The following SMYD2 variants were observed in gnomAD, a reference collection of about 807,000 sequenced individuals.
SMYD2 encodes N-lysine methyltransferase SMYD2.
In SMYD2, 53 loss-of-function variants were observed where a neutral mutation model predicts 59.1. The ratio of observed to expected loss-of-function variants is 0.90; its 90% CI spans 0.72 to 1.13. The LOEUF is 1.13. SMYD2 is among the 50% of genes most tolerant of loss of function. The pLI, the probability that SMYD2 is intolerant of heterozygous loss-of-function variation, is 0.00. For missense variants in SMYD2, 494 were observed against 544.7 expected (o/e 0.91, Z 0.93); for synonymous variants, 208 against 198.8 (o/e 1.05, Z -0.39).
At chr1:214,281,920 T>C (rs1234073988) in intron 1 of SMYD2, among the ~76,000 whole-genome samples, 1 of 152,216 alleles carries the variant, frequency 6.6e-6, no homozygotes, top group South Asian at 2.1e-4. Context: ...ACTTAGTATA[T>C]GTCTTGTAAA....
rs1328068380 is a variant in SMYD2 at position 214,314,791 on chromosome 1, A to G, written c.267A>G (p.Glu89=). The G allele has an allele frequency of 7.4e-6, 12 of 1,614,144 alleles. No homozygotes were observed. The highest frequency in any genetic ancestry group is 1.0e-5 in the Non-Finnish European group (12 of 1,180,008). ...AAGATTGGCCCATGCACAAGCTGGA[A>G]TGTTCTCCCATGGTTGTTTTTGGGG... is the stretch of plus-strand genomic sequence containing the variant. ...QKEDWPMHKL[E]CSPMVVFGEN... is the part of the protein sequence containing the mutation. Residue 89 remains glutamate, a synonymous_variant, in exon 3 of 12, where the codon GAA becomes GAG. Coordinates refer to ENST00000366957, the MANE Select transcript of SMYD2 (RefSeq NM_020197.3).
In SMYD2 at chr1:214,334,191, T is replaced by C; in HGVS notation, c.1113-9T>C. 6.2e-7 allele frequency: 1 copy of C among 1,612,542 alleles called. No individual in the cohort carries two copies. On this transcript the variant is annotated splice_polypyrimidine_tract_variant and intron_variant, in intron 10 of 11. Coordinates refer to ENST00000366957, the MANE Select transcript of SMYD2 (RefSeq NM_020197.3). ...ACATGGTGGCCTGTTGTCTCTTCTC[T>C]TGTTCTAGTAAGCACTATCCTTTGT...
chr1:214,331,631 C>T (rs1347305827), intron 9 of SMYD2: 1 of 188,126 alleles, frequency 5.3e-6, no homozygotes, highest in African/African-American at 2.4e-5. Flanking sequence ...GAATTTAAAA[C>T]CAGTGAGAGG....
chr1:214,317,325 T>C (rs1025347515), intron 3 of SMYD2, among the ~76,000 whole-genome samples: 27 of 152,162 alleles, frequency 1.8e-4, no homozygotes, highest in Non-Finnish European at 2.6e-4. Context: ...AACAGACCAT[T>C]TGTATTCTAG....
intron 3 of SMYD2, among the ~76,000 whole-genome samples, chr1:214,315,723 A>G (rs1473501307): frequency 6.6e-6 from 1 of 152,206 alleles, no homozygotes; most frequent in Non-Finnish European, 1.5e-5. Flanking sequence ...CTTATATACC[A>G]TAGGGAAGAA....
intron 7 of SMYD2, among the ~76,000 whole-genome samples, chr1:214,328,829 G>A (rs537969801): frequency 6.6e-6 from 1 of 152,286 alleles, no homozygotes; most frequent in Admixed American, 6.5e-5. Flanking sequence ...GGGTGTCTGA[G>A]TTTCCAAAGG....
chr1:214,292,994 GC>G (rs1201368792), intron 1 of SMYD2, among the ~76,000 whole-genome samples: 1 of 148,592 alleles, frequency 6.7e-6, no homozygotes, highest in Non-Finnish European at 1.5e-5. Context: ...TCTTTCCAAA[GC>G]TTTATCTTTT....
At chr1:214,288,318 C>T (rs755246780) in intron 1 of SMYD2, among the ~76,000 whole-genome samples, 2 of 152,198 alleles carry the variant, frequency 1.3e-5, no homozygotes, top group Non-Finnish European at 2.9e-5. Context: ...TAGAAAGAAA[C>T]TGAGTGTTAG....
chr1:214,309,800 A>T (rs1656970347), intron 2 of SMYD2, among the ~76,000 whole-genome samples: 1 of 152,192 alleles, frequency 6.6e-6, no homozygotes, highest in South Asian at 2.1e-4. Flanking sequence ...ATGTGTGTGA[A>T]TGACTGAGTA....
intron 1 of SMYD2, 57 bp downstream of exon 1, chr1:214,281,484 T>A (rs1656444784): frequency 2.0e-5 from 25 of 1,232,028 alleles, no homozygotes; most frequent in Non-Finnish European, 2.4e-5. Context: ...AGCGGGAGGC[T>A]TGGACGGCGG....
chr1:214,321,655 G>A (rs982039842), intron 5 of SMYD2, among the ~76,000 whole-genome samples: 16 of 152,200 alleles, frequency 1.1e-4, no homozygotes, highest in African/African-American at 3.6e-4. Flanking sequence ...TGACAGCATC[G>A]AGGTGTGTTC....
chr1:214,322,657 A>G (rs905919512), intron 5 of SMYD2, among the ~76,000 whole-genome samples: 7 of 152,118 alleles, frequency 4.6e-5, no homozygotes, highest in Non-Finnish European at 7.4e-5. Context: ...GATCTGACCA[A>G]TTTTAGAAGG....
chr1:214,305,149 G>T, intron 1 of SMYD2, 38 bp from the exon 2 acceptor site: 2 of 1,590,024 alleles, frequency 1.3e-6, no homozygotes, highest in Non-Finnish European at 1.7e-6. Context: ...TCACGTTTCT[G>T]TGTCTGTCAC....
intron 1 of SMYD2, among the ~76,000 whole-genome samples, chr1:214,293,083 C>G (rs974358819): frequency 2.6e-5 from 4 of 151,182 alleles, no homozygotes; most frequent in African/African-American, 9.8e-5. Flanking sequence ...GACAGAGTCT[C>G]TCTCTGTCAC....
At chr1:214,324,165 G>A (rs1012586648) in intron 5 of SMYD2, among the ~76,000 whole-genome samples, 4 of 152,134 alleles carry the variant, frequency 2.6e-5, no homozygotes, top group South Asian at 2.1e-4. Context: ...TCGAACTCCC[G>A]ACCTCAGGTG....
intron 1 of SMYD2, among the ~76,000 whole-genome samples, chr1:214,304,893 G>T (rs1030930495): frequency 7.2e-5 from 11 of 152,156 alleles, no homozygotes; most frequent in African/African-American, 2.7e-4. Context: ...TAGCCTTGGT[G>T]TCTTTGGCCA....
intron 1 of SMYD2, among the ~76,000 whole-genome samples, chr1:214,303,524 T>C (rs777091853): frequency 6.6e-5 from 10 of 152,244 alleles, no homozygotes; most frequent in Admixed American, 6.5e-5. Flanking sequence ...TTTTGAACTA[T>C]TGAGGTCTGC....
At chr1:214,331,586 G>A (rs116424773) in intron 9 of SMYD2, 3,160 of 176,116 alleles carry the variant, frequency 0.018, 38 homozygotes, top group Middle Eastern at 0.028. Flanking sequence ...TTTCTTGGGA[G>A]TTGAAAAGGG....
chr1:214,284,676 C>T (rs1056351703), intron 1 of SMYD2, among the ~76,000 whole-genome samples: 4 of 151,806 alleles, frequency 2.6e-5, no homozygotes, highest in Admixed American at 6.6e-5. Flanking sequence ...AAGTGATTTC[C>T]GACTAATTTT....
Sources: gnomAD v4.1 joint callset for allele counts (sites outside exome capture counted in the v4.1 genomes callset) on GRCh38, gnomAD v4.1.1 for gene constraint, MANE v1.5 for transcripts, NCBI Gene and HGNC (gene_info 2026-07-23, HGNC 2026-07-21) for gene names.